NTS: variants seen among roughly 807,000 people sequenced by gnomAD.
NTS encodes the protein neurotensin/neuromedin N.
NTS carries 20 observed loss-of-function variants against 19.5 expected under a neutral mutation model. That is an observed-to-expected ratio of 1.02 (90% confidence interval 0.72 to 1.49). NTS has a LOEUF of 1.49. Ranked by LOEUF, NTS falls within the 40% of genes most tolerant of loss-of-function variation. The pLI is 0.00. For missense variants in NTS, 215 were observed against 193.1 expected, an observed-to-expected ratio of 1.11 and a Z score of -0.67; for synonymous variants, 71 against 63.3, an observed-to-expected ratio of 1.12 and a Z score of -0.58.
chr12:85,882,185 T>G, intron 3 of NTS, 38 bp from the exon 4 acceptor site: 1 of 1,480,802 alleles, frequency 6.8e-7, no homozygotes. Flanking sequence ...AAAGAGTTTA[T>G]TCATGTAAGT....
At position 85,874,296 on chromosome 12, in the gene NTS, T is replaced by G; in HGVS notation, c.-108T>G. 1 of 753,374 alleles carries G rather than the reference T, an allele frequency of 1.3e-6. No individual in the cohort carries two copies. Among genetic ancestry groups the G allele is most frequent in the Non-Finnish European group, 2.4e-6 (1 of 413,326 alleles). 46.7% of individuals were successfully genotyped at this position (753,374 alleles called of 1,614,324 possible). ...AGGGGAATGGCCAGAGCACCTCTCA[T>G]AGTTCACTCACTTTCAAAGCCAGCT... On this transcript the variant is annotated 5_prime_UTR_variant, in exon 1 of 4. Transcript: ENST00000256010.
At chr12:85,879,042 GTACATAAAATAT>G (rs1881413790) in intron 3 of NTS, among the ~76,000 whole-genome samples, 2 of 134,686 alleles carry the variant, frequency 1.5e-5, no homozygotes, top group Non-Finnish European at 1.7e-5. Context: ...ATATTTTTAT[GTACATAAAATAT>G]ATTTTTATGT....
chr12:85,880,373 G>C (rs1305864656), intron 3 of NTS, among the ~76,000 whole-genome samples: 1 of 152,010 alleles, frequency 6.6e-6, no homozygotes, highest in African/African-American at 2.4e-5. Context: ...TTCGACAAGG[G>C]AAACATTTCT....
rs1024721411 is a variant in NTS, at chr12:85,875,489, A to G, written c.73+1013A>G. Among the ~76,000 whole-genome samples the G allele has an allele frequency of 5.9e-5, 9 of 152,224 alleles. No individual in the cohort carries two copies. The East Asian group carries it at 1.3e-3, about 23-fold the overall frequency. On this transcript the variant is annotated intron_variant, in intron 1 of 3. Transcript: ENST00000256010. Reference sequence around the variant, plus strand: ...GAAATTAAAATCTAAGAAGATATAAATGTGATTTATACAAAATTTTAAATT... The same window carrying G: ...GAAATTAAAATCTAAGAAGATATAAGTGTGATTTATACAAAATTTTAAATT...
chr12:85,877,131 T>A (rs574012629), intron 2 of NTS, among the ~76,000 whole-genome samples: 72 of 152,166 alleles, frequency 4.7e-4, no homozygotes, highest in African/African-American at 1.5e-3. Context: ...GCAAAAGAAA[T>A]GTAGTATAGA....
chr12:85,878,168 TATG>T (rs1237127793), intron 2 of NTS, 174 bp from the exon 3 acceptor site: 5 of 501,384 alleles, frequency 1.0e-5, no homozygotes, highest in Non-Finnish European at 1.8e-5. Context: ...AAACAGAAGT[TATG>T]AGATATTGGC....
intron 3 of NTS, 27 bp downstream of exon 3, chr12:85,878,596 G>T: frequency 1.4e-6 from 2 of 1,391,276 alleles, no homozygotes; most frequent in African/African-American, 1.4e-5. Context: ...ATATTAATAT[G>T]ATTATAGTTA....
chr12:85,875,567 G>GA (rs959175372), intron 1 of NTS, among the ~76,000 whole-genome samples: 8 of 151,726 alleles, frequency 5.3e-5, no homozygotes, highest in African/African-American at 1.9e-4. Context: ...AATCTTATGA[G>GA]AAAAAACAAA....
At position 85,882,280 on chromosome 12, in the gene NTS, A is replaced by G; in HGVS notation, c.418A>G (p.Ile140Val). 3.1e-6 allele frequency: 5 copies of G among 1,609,160 alleles called. No homozygotes were observed. The highest frequency in any genetic ancestry group is 4.2e-6 in the Non-Finnish European group (5 of 1,177,596). ...TGACAAAAATGGAAAGGAAGAAGTC[A>G]TAAAGAGAAAAATTCCTTATATTCT... is the stretch of plus-strand genomic sequence containing the variant. ...GNDKNGKEEV[I>V]KRKIPYILKR... Residue 140 changes from isoleucine (I) to valine (V), a missense_variant, in exon 4 of 4, where the codon ATA (isoleucine) becomes GTA (valine). By Grantham distance (29) the Ile-to-Val change is conservative. Transcript: ENST00000256010.
rs553774233 is a variant in NTS, at chr12:85,878,573, T to G, written c.360+4T>G. On this transcript the variant is annotated splice_donor_region_variant and intron_variant, in intron 3 of 3. Coordinates refer to ENST00000256010, the MANE Select transcript of NTS (RefSeq NM_006183.5). ...CAGGGCTTTTCAACACTGGGAGGTA[T>G]AGCAATAACAAAATATTAATATGAT... 6.4e-6 allele frequency: 10 copies of G among 1,561,766 alleles called. No homozygotes were observed. The highest frequency in any genetic ancestry group is 8.7e-6 in the Non-Finnish European group (10 of 1,143,704).
At chr12:85,881,148 G>T (rs1054750524) in intron 3 of NTS, among the ~76,000 whole-genome samples, 2 of 151,938 alleles carry the variant, frequency 1.3e-5, no homozygotes, top group Non-Finnish European at 2.9e-5. Context: ...GATAATTTCT[G>T]AGCATAGTAC....
At chr12:85,875,792 T>C (rs1301542452) in intron 1 of NTS, among the ~76,000 whole-genome samples, 1 of 152,028 alleles carries the variant, frequency 6.6e-6, no homozygotes, top group African/African-American at 2.4e-5. Flanking sequence ...AGATCTCTTG[T>C]ATAATTTAGG....
chr12:85,879,070 T>A (rs1431668227), intron 3 of NTS, among the ~76,000 whole-genome samples: 2 of 148,370 alleles, frequency 1.3e-5, no homozygotes, highest in East Asian at 2.0e-4. Flanking sequence ...TATGTATATT[T>A]TAATGTACAT....
intron 1 of NTS, among the ~76,000 whole-genome samples, chr12:85,875,652 G>T (rs922890250): frequency 6.6e-6 from 1 of 151,922 alleles, no homozygotes; most frequent in Non-Finnish European, 1.5e-5. Flanking sequence ...GAAAAACTGG[G>T]TTATTGATTA....
At position 85,878,570 on chromosome 12, in the gene NTS, G is replaced by T. The variant is rs762183394; in HGVS notation, c.360+1G>T. On this transcript the variant is annotated splice_donor_variant, in intron 3 of 3. Coordinates refer to ENST00000256010, the MANE Select transcript of NTS (RefSeq NM_006183.5). LOFTEE classifies it high-confidence loss of function. ...CAGCAGGGCTTTTCAACACTGGGAG[G>T]TATAGCAATAACAAAATATTAATAT... The T allele has an allele frequency of 6.4e-7, 1 of 1,571,816 alleles. No individual in the cohort carries two copies. The highest frequency in any genetic ancestry group is 1.2e-5 in the South Asian group (1 of 86,384).
Position 85,876,623 on chromosome 12 carries a change from A to G in NTS, c.74-17A>G, listed in dbSNP as rs1881351472. The G allele has an allele frequency of 3.3e-6, 5 of 1,526,290 alleles. No individual in the cohort carries two copies. Among genetic ancestry groups the G allele is most frequent in the Non-Finnish European group, 4.5e-6 (5 of 1,115,380 alleles). The allele number at this position is 1,526,290 out of a possible 1,614,324, so 94.5% of individuals were successfully genotyped here. On this transcript the variant is annotated splice_polypyrimidine_tract_variant and intron_variant, in intron 1 of 3. Coordinates refer to ENST00000256010, the MANE Select transcript of NTS (RefSeq NM_006183.5). ...ATGATATGTAATTATAGTAAACCTG[A>G]TTTTGATTTTACTCAGATTCAGAAG...
intron 3 of NTS, among the ~76,000 whole-genome samples, chr12:85,880,312 G>A (rs1311980781): frequency 1.3e-5 from 2 of 151,960 alleles, no homozygotes; most frequent in African/African-American, 4.8e-5. Context: ...AGAAGAGAAG[G>A]GGGAAGAAAA....
intron 3 of NTS, 46 bp downstream of exon 3, chr12:85,878,615 A>C: frequency 1.8e-6 from 2 of 1,096,756 alleles, no homozygotes; most frequent in Non-Finnish European, 2.6e-6. Flanking sequence ...TACACTAGTT[A>C]GCTCTCATTT....
rs759969700 is a variant in NTS at position 85,874,398 on chromosome 12, T to TTGTTA, written c.-6_-5insTGTTA. 1 of 1,611,790 alleles carries TTGTTA rather than the reference T, an allele frequency of 6.2e-7. No individual in the cohort carries two copies. Among genetic ancestry groups the TTGTTA allele is most frequent in the African/African-American group, 1.3e-5 (1 of 75,004 alleles). On this transcript the variant is annotated 5_prime_UTR_variant, in exon 1 of 4. Transcript: ENST00000256010. ...TTACGGACTTGGCTTGTTAGAAGGC[T>TTGTTA]GAAAGATGATGGCAGGAATGAAAAT...
Sources: allele counts gnomAD v4.1 joint callset (sites outside exome capture counted in the v4.1 genomes callset), GRCh38; gene constraint gnomAD v4.1.1; transcripts MANE v1.5; gene names NCBI Gene and HGNC (gene_info 2026-07-23, HGNC 2026-07-21).